The following TRMT11 variants were observed in gnomAD, a reference collection of about 807,000 sequenced individuals.
TRMT11 encodes tRNA (guanine(10)-N(2))-methyltransferase TRMT11.
Under a neutral mutation model 62.8 loss-of-function variants are expected in TRMT11, and 53 were observed. The ratio of observed to expected loss-of-function variants is 0.84; its 90% confidence interval spans 0.68 to 1.06. TRMT11 has a LOEUF of 1.06. Among genes scored for constraint, TRMT11 ranks in the 50% least tolerant of loss-of-function variants. The pLI is 0.00. For missense variants in TRMT11, 556 were observed against 553.4 expected (o/e 1.00, Z -0.05); for synonymous variants, 188 against 190.3 (o/e 0.99, Z 0.10).
intron 17 of TRMT11, among the ~76,000 whole-genome samples, chr6:126,093,625 A>ATTTTTTTTTTTTTTT (rs1483189635): frequency 4.8e-5 from 5 of 103,516 alleles, no homozygotes; most frequent in African/African-American, 2.4e-4. Flanking sequence ...ATATATATAT[A>ATTTTTTTTTTTTTTT]TATATATTTT....
At chr6:126,199,198 A>G (rs2128251777) in intron 2 of TRMT11, among the ~76,000 whole-genome samples, 1 of 152,348 alleles carries the variant, frequency 6.6e-6, no homozygotes, top group East Asian at 1.9e-4. Flanking sequence ...GACTTGAGGG[A>G]CAAACACTTC....
chr6:126,230,786 A>G, the TRMT11 span, among the ~76,000 whole-genome samples: 17 of 152,196 alleles, frequency 1.1e-4, no homozygotes, highest in African/African-American at 3.8e-4. Context: ...AATGTTATAA[A>G]TGTTTCTGAT....
At chr6:126,099,939 A>G (rs1249045491) in intron 17 of TRMT11, among the ~76,000 whole-genome samples, 1 of 152,084 alleles carries the variant, frequency 6.6e-6, no homozygotes, top group East Asian at 1.9e-4. Flanking sequence ...CCTGGTAGGT[A>G]GTTGGGACTT....
chr6:126,153,763 C>T (rs868176388), intron 21 of TRMT11, among the ~76,000 whole-genome samples: 1 of 152,204 alleles, frequency 6.6e-6, no homozygotes, highest in South Asian at 2.1e-4. Context: ...ATCCACTCAC[C>T]ACATCAGTCT....
At chr6:126,030,417 G>T (rs1773983213) in intron 12 of TRMT11, among the ~76,000 whole-genome samples, 1 of 152,136 alleles carries the variant, frequency 6.6e-6, no homozygotes, top group South Asian at 2.1e-4. Context: ...CCGACCCATT[G>T]TTTTTCTCTT....
intron 7 of TRMT11, 135 bp from the exon 8 acceptor site, chr6:126,008,257 C>T (rs1793657351): frequency 3.8e-6 from 3 of 779,866 alleles, no homozygotes; most frequent in South Asian, 3.1e-5. Context: ...CTGAGGCTTA[C>T]TAAATATGTT....
upstream of TRMT11, among the ~76,000 whole-genome samples, chr6:126,176,247 T>TA (rs1778383388): frequency 6.6e-6 from 1 of 152,180 alleles, no homozygotes; most frequent in African/African-American, 2.4e-5. Flanking sequence ...TGTAAACAAC[T>TA]GCTAGCCCCT....
chr6:126,253,306 G>A, the TRMT11 span, among the ~76,000 whole-genome samples: 746 of 152,256 alleles, frequency 4.9e-3, 9 homozygotes, highest in African/African-American at 0.017. Context: ...GTCATCTTCT[G>A]TGATAACAAT....
chr6:126,090,075 C>G (rs1318743946), intron 17 of TRMT11, among the ~76,000 whole-genome samples: 1 of 152,166 alleles, frequency 6.6e-6, no homozygotes, highest in East Asian at 1.9e-4. Flanking sequence ...CCAGCCAGTC[C>G]TCCAAGACGC....
At chr6:126,253,363 G>T in the TRMT11 span, among the ~76,000 whole-genome samples, 1 of 152,174 alleles carries the variant, frequency 6.6e-6, no homozygotes, top group African/African-American at 2.4e-5. Context: ...AGGCTGTTTT[G>T]CAGTTAATCT....
chr6:126,031,372 C>T (rs1300437371), intron 12 of TRMT11, among the ~76,000 whole-genome samples: 1 of 152,086 alleles, frequency 6.6e-6, no homozygotes, highest in Non-Finnish European at 1.5e-5. Flanking sequence ...CCATTCGTGT[C>T]AGGTGTTGGG....
chr6:126,161,371 A>C (rs1241874965), intron 21 of TRMT11, among the ~76,000 whole-genome samples: 1 of 152,124 alleles, frequency 6.6e-6, no homozygotes. Flanking sequence ...TGAGAAAGAC[A>C]GTTTCCAGCT....
intron 12 of TRMT11, among the ~76,000 whole-genome samples, chr6:126,030,235 T>G (rs1195995448): frequency 1.3e-5 from 2 of 152,158 alleles, no homozygotes; most frequent in African/African-American, 4.8e-5. Flanking sequence ...GTGGTTTCTA[T>G]AGCTACTGTC....
downstream of TRMT11, among the ~76,000 whole-genome samples, chr6:126,044,132 G>A (rs541467141): frequency 1.5e-4 from 23 of 152,000 alleles, no homozygotes; most frequent in South Asian, 4.8e-3. Context: ...CCTTGCCCAT[G>A]CCTATGTCCT....
rs570160916 is a variant in TRMT11 at position 126,188,257 on chromosome 6, A to G, written n.144-10542A>G. Among the ~76,000 whole-genome samples, 3 of 152,232 alleles carry G rather than the reference A, an allele frequency of 2.0e-5. No homozygotes were observed. The East Asian group carries it at 5.8e-4, about 29-fold the overall frequency. On this transcript the variant is annotated intron_variant and non_coding_transcript_variant, in intron 1 of 3. Transcript: ENST00000444229. ...CTTATATTTGACAAGATTCACATCT[A>G]GAATAGATAAAGATTTCCTACAAAT...
At chr6:126,219,740 G>T in the TRMT11 span, among the ~76,000 whole-genome samples, 3 of 152,180 alleles carry the variant, frequency 2.0e-5, no homozygotes, top group Admixed American at 2.0e-4. Flanking sequence ...CTGTGAACAA[G>T]TACTTTTTGT....
intron 17 of TRMT11, among the ~76,000 whole-genome samples, chr6:126,088,574 T>G (rs1346582388): frequency 6.6e-6 from 1 of 152,224 alleles, no homozygotes; most frequent in Non-Finnish European, 1.5e-5. Flanking sequence ...CAAGATTACC[T>G]TGGTAACTAT....
the TRMT11 span, among the ~76,000 whole-genome samples, chr6:126,265,765 T>A: frequency 6.6e-6 from 1 of 152,192 alleles, no homozygotes; most frequent in Non-Finnish European, 1.5e-5. Flanking sequence ...GGAAACTTGA[T>A]CTTAGCATCA....
intron 17 of TRMT11, among the ~76,000 whole-genome samples, chr6:126,066,052 A>G (rs1333291841): frequency 6.6e-6 from 1 of 152,230 alleles, no homozygotes; most frequent in African/African-American, 2.4e-5. Flanking sequence ...GAAAGGCACT[A>G]GGGTTCAGAC....
Sources: gnomAD v4.1 joint callset for allele counts (sites outside exome capture counted in the v4.1 genomes callset) on GRCh38, gnomAD v4.1.1 for gene constraint, MANE v1.5 for transcripts, NCBI Gene and HGNC (gene_info 2026-07-23, HGNC 2026-07-21) for gene names.